The following FGF14 variants were observed in gnomAD, a reference collection of about 807,000 sequenced individuals.
FGF14 encodes fibroblast growth factor homologous factor 4.
Under a neutral mutation model 25.5 loss-of-function variants are expected in FGF14, and 5 were observed. The ratio of observed to expected loss-of-function variants is 0.20; its 90% CI spans 0.10 to 0.41. FGF14 has a LOEUF of 0.41. FGF14 is among the 10% of genes least tolerant of loss of function. The pLI, the probability that FGF14 is intolerant of heterozygous loss-of-function variation, is 1.00. For synonymous variants in FGF14, 138 were observed against 118.3 expected, an observed-to-expected ratio of 1.17 and a Z score of -1.08; for missense variants, 222 against 320.1, an observed-to-expected ratio of 0.69 and a Z score of 2.34.
At chr13:102,191,438 G>A (rs1207743523) in intron 1 of FGF14, among the ~76,000 whole-genome samples, 1 of 152,122 alleles carries the variant, frequency 6.6e-6, no homozygotes, top group Non-Finnish European at 1.5e-5. Context: ...TTCTCACTGT[G>A]AGCTCCTTTG....
intron 1 of FGF14, among the ~76,000 whole-genome samples, chr13:102,041,539 A>G (rs1015099929): frequency 1.4e-5 from 1 of 71,118 alleles, no homozygotes; most frequent in African/African-American, 4.1e-5. Flanking sequence ...AAAAAAAAAA[A>G]CAGTGTATGT....
At chr13:102,167,792 CTCTTTT>C (rs887508011) in intron 1 of FGF14, among the ~76,000 whole-genome samples, 4 of 115,026 alleles carry the variant, frequency 3.5e-5, no homozygotes, top group Non-Finnish European at 7.5e-5. Flanking sequence ...GGCATGCTAG[CTCTTTT>C]TTTTTTTTTT....
chr13:102,067,937 C>CA (rs2042972739), intron 1 of FGF14, among the ~76,000 whole-genome samples: 1 of 152,014 alleles, frequency 6.6e-6, no homozygotes, highest in African/African-American at 2.4e-5. Flanking sequence ...ACATAACATA[C>CA]AATAGCACTC....
chr13:102,328,691 A>T (rs1219045758), intron 1 of FGF14, among the ~76,000 whole-genome samples: 1 of 152,220 alleles, frequency 6.6e-6, no homozygotes, highest in Non-Finnish European at 1.5e-5. Flanking sequence ...GGTAAAGGGG[A>T]AAATGAGTTC....
At chr13:102,185,339 AT>A (rs1362032747) in intron 1 of FGF14, among the ~76,000 whole-genome samples, 1 of 152,174 alleles carries the variant, frequency 6.6e-6, no homozygotes, top group African/African-American at 2.4e-5. Context: ...CGATATTTTT[AT>A]TTATACTGTA....
At chr13:101,942,372 A>G (rs1166422988) in intron 1 of FGF14, among the ~76,000 whole-genome samples, 1 of 152,208 alleles carries the variant, frequency 6.6e-6, no homozygotes, top group Non-Finnish European at 1.5e-5. Flanking sequence ...ACAACAAAAT[A>G]AATTCTAGAA....
At chr13:101,774,260 G>T (rs1384113613) in intron 3 of FGF14, among the ~76,000 whole-genome samples, 1 of 152,252 alleles carries the variant, frequency 6.6e-6, no homozygotes, top group South Asian at 2.1e-4. Context: ...CAGAGGAGCA[G>T]ATGGTGACCA....
chr13:102,285,466 C>T (rs2054050125), intron 1 of FGF14, among the ~76,000 whole-genome samples: 1 of 152,258 alleles, frequency 6.6e-6, no homozygotes, highest in Non-Finnish European at 1.5e-5. Context: ...ACAATAAACT[C>T]GGTTCTTCAA....
At chr13:102,048,025 A>G (rs374856770) in intron 1 of FGF14, among the ~76,000 whole-genome samples, 1 of 151,990 alleles carries the variant, frequency 6.6e-6, no homozygotes, top group Non-Finnish European at 1.5e-5. Context: ...GTTTAAAAAA[A>G]AAAAAAGCAG....
intron 1 of FGF14, among the ~76,000 whole-genome samples, chr13:102,030,021 CCT>C (rs1341379651): frequency 6.6e-6 from 1 of 152,026 alleles, no homozygotes; most frequent in Non-Finnish European, 1.5e-5. Flanking sequence ...ACTACGGACT[CCT>C]CTTTTTAGGA....
intron 1 of FGF14, among the ~76,000 whole-genome samples, chr13:102,034,424 G>A (rs1259981349): frequency 6.6e-6 from 1 of 152,128 alleles, no homozygotes; most frequent in East Asian, 1.9e-4. Context: ...CCAACAGAGA[G>A]GATGACAGTG....
chr13:102,292,734 C>T (rs931977382), intron 1 of FGF14: 3 of 152,194 alleles, frequency 2.0e-5, no homozygotes, highest in Admixed American at 6.5e-5. Context: ...TATGGAGCCA[C>T]CCCACATAAT....
At chr13:101,922,616 A>G (rs936605859) in intron 1 of FGF14, among the ~76,000 whole-genome samples, 3 of 152,170 alleles carry the variant, frequency 2.0e-5, no homozygotes, top group Admixed American at 6.5e-5. Flanking sequence ...AGATAAATGT[A>G]TTTGTTAAAA....
intron 3 of FGF14, among the ~76,000 whole-genome samples, chr13:101,859,937 G>C (rs1345256674): frequency 1.3e-5 from 2 of 152,090 alleles, no homozygotes; most frequent in Non-Finnish European, 2.9e-5. Flanking sequence ...ATTAAATACA[G>C]TTTTATCTAT....
At chr13:101,808,210 A>T (rs1314416969) in intron 3 of FGF14, among the ~76,000 whole-genome samples, 1 of 151,938 alleles carries the variant, frequency 6.6e-6, no homozygotes, top group Non-Finnish European at 1.5e-5. Context: ...AAGAAGATAA[A>T]CCCATTTATT....
In FGF14 at chr13:101,722,655, G is replaced by A. The variant is rs191705440; in HGVS notation, c.*176C>T. On this transcript the variant is annotated 3_prime_UTR_variant, in exon 5 of 5. Transcript: ENST00000376143. ...GGTTATCCAGGTGTCTTCTTGTTGTGGGGGGTGCAACAGGTTGAGATTTAT... is the reference window on the plus strand; with the variant it reads ...GGTTATCCAGGTGTCTTCTTGTTGTAGGGGGTGCAACAGGTTGAGATTTAT... The A allele has an allele frequency of 6.5e-6, 5 of 764,812 alleles. No individual in the cohort carries two copies. The highest frequency in any genetic ancestry group is 1.1e-5 in the Non-Finnish European group (5 of 467,966). 47.4% of individuals were successfully genotyped at this position (764,812 alleles called of 1,614,324 possible).
intron 3 of FGF14, among the ~76,000 whole-genome samples, chr13:101,800,137 T>G (rs1050579452): frequency 1.3e-5 from 2 of 152,018 alleles, no homozygotes; most frequent in Non-Finnish European, 2.9e-5. Context: ...GAATAAAAAT[T>G]GAGTATCTGA....
chr13:101,978,578 T>G (rs1444684001), intron 1 of FGF14, among the ~76,000 whole-genome samples: 1 of 152,200 alleles, frequency 6.6e-6, no homozygotes, highest in Non-Finnish European at 1.5e-5. Flanking sequence ...AAATACCAAA[T>G]GGGTTTTCTA....
intron 1 of FGF14, among the ~76,000 whole-genome samples, chr13:102,383,950 A>G (rs1329188248): frequency 6.6e-6 from 1 of 152,204 alleles, no homozygotes; most frequent in Non-Finnish European, 1.5e-5. Context: ...CAACTCTCAT[A>G]TGTTAAAATG....
Sources: allele counts gnomAD v4.1 joint callset (sites outside exome capture counted in the v4.1 genomes callset), GRCh38; gene constraint gnomAD v4.1.1; transcripts MANE v1.5; gene names NCBI Gene and HGNC (gene_info 2026-07-23, HGNC 2026-07-21).